Variants in MFSD2B observed in about 807,000 individuals in gnomAD.
The protein encoded by MFSD2B is MFSD2 lysolipid transporter B, sphingolipid.
In MFSD2B, 56 loss-of-function variants were observed where a neutral mutation model predicts 58.4. The ratio of observed to expected loss-of-function variants is 0.96; its 90% confidence interval spans 0.77 to 1.20. The LOEUF is 1.20. Among genes scored for constraint, MFSD2B ranks in the 50% most tolerant of loss-of-function variants. MFSD2B has a pLI of 0.00. For missense variants in MFSD2B, 645 were observed against 667.6 expected, an observed-to-expected ratio of 0.97 and a Z score of 0.37; for synonymous variants, 287 against 294.4, an observed-to-expected ratio of 0.97 and a Z score of 0.26.
chr2:24,017,767 T>A lies in MFSD2B; in HGVS notation c.681+179T>A, dbSNP rs1267484419. ...CAGATGGCCCCCAAATCTAACGTCC[T>A]CTGCTAAACCTGCCTCCTTCTGGGT... is the stretch of plus-strand genomic sequence containing the variant. On this transcript the variant is annotated intron_variant, in intron 6 of 13. Transcript: ENST00000338315. This position sits in a 1 kb window ranked among gnomAD's most constrained non-coding sequence, Gnocchi z 4.8. 6.6e-6 allele frequency among the ~76,000 whole-genome samples: 1 copy of A among 152,184 alleles called. No homozygotes were observed. Among genetic ancestry groups the A allele is most frequent in the Non-Finnish European group, 1.5e-5 (1 of 68,024 alleles).
At position 24,022,478 on chromosome 2, in the gene MFSD2B, C is replaced by G. The variant is rs1404472937; in HGVS notation, c.940C>G (p.Leu314Val). Reference sequence around the variant, plus strand: ...CCTGTTCTGTACACATGCCTCCCAGCTACACGACCACGTCCAGGGCCTGGT... The same window carrying G: ...CCTGTTCTGTACACATGCCTCCCAGGTACACGACCACGTCCAGGGCCTGGT... ...LVLFCTHASQ[L>V]HDHVQGLVLT... is the part of the protein sequence containing the mutation. Residue 314 changes from leucine to valine, a missense_variant, in exon 9 of 14, where the codon CTA becomes GTA. Leu to Val is a conservative substitution (Grantham distance 32, BLOSUM62 1). Coordinates refer to ENST00000338315, the MANE Select transcript of MFSD2B (RefSeq NM_001346880.2). This position sits in a 1 kb window ranked among gnomAD's most constrained non-coding sequence, Gnocchi z 4.5. The G allele has an allele frequency of 6.2e-7, 1 of 1,613,458 alleles. No individual in the cohort carries two copies. Among genetic ancestry groups the G allele is most frequent in the East Asian group, 2.2e-5 (1 of 44,864 alleles).
In MFSD2B at chr2:24,026,256, A is replaced by G. The variant is rs1331189707; in HGVS notation, c.*800A>G. 1 of 152,264 alleles carries G rather than the reference A, an allele frequency of 6.6e-6. No individual in the cohort carries two copies. The highest frequency in any genetic ancestry group is 1.5e-5 in the Non-Finnish European group (1 of 68,052). 9.4% of individuals were successfully genotyped at this position (152,264 alleles called of 1,614,324 possible). ...AGTATATATATGTATGTATATAAATATATAGAAATCCTAAATGGTCCCTGT... is the reference window on the plus strand; with the variant it reads ...AGTATATATATGTATGTATATAAATGTATAGAAATCCTAAATGGTCCCTGT... On this transcript the variant is annotated 3_prime_UTR_variant, in exon 14 of 14. Transcript: ENST00000338315.
chr2:24,016,700 C>G (rs1053161853), intron 3 of MFSD2B, 145 bp from the exon 4 acceptor site: 1 of 940,372 alleles, frequency 1.1e-6, no homozygotes, highest in Non-Finnish European at 1.6e-6. Context: ...TCGGCCACTT[C>G]TCCCCTGCTC....
rs919952086 is a variant in MFSD2B at position 24,024,695 on chromosome 2, C to A, written c.1490+424C>A. ...CCTAGTAGCCCACAAGCCTGGCACT[C>A]AGTCTCGATGAGCCTCAATGGAACT... On this transcript the variant is annotated intron_variant, in intron 13 of 13. Transcript: ENST00000338315. The surrounding 1 kb of genome is among the most constrained non-coding windows in gnomAD (Gnocchi z 4.3). 2.0e-5 allele frequency among the ~76,000 whole-genome samples: 3 copies of A among 152,158 alleles called. No homozygotes were observed. Among genetic ancestry groups the A allele is most frequent in the African/African-American group, 7.2e-5 (3 of 41,438 alleles).
intron 2 of MFSD2B, among the ~76,000 whole-genome samples, chr2:24,015,701 A>C (rs1437644792): frequency 4.6e-5 from 7 of 152,194 alleles, no homozygotes; most frequent in African/African-American, 1.4e-4. Flanking sequence ...GTCAGAAAAA[A>C]CAATGCATCC....
In MFSD2B at chr2:24,024,307, C is replaced by T; in HGVS notation, c.1490+36C>T. ...CACGCCCCCTGCAGCCAGCGAGGCA[C>T]AGTGTGGGCTGCTGGGGGAATGACT... On this transcript the variant is annotated intron_variant, in intron 13 of 13. Transcript: ENST00000338315. This position sits in a 1 kb window ranked among gnomAD's most constrained non-coding sequence, Gnocchi z 4.3. 2 of 1,560,480 alleles carry T rather than the reference C, an allele frequency of 1.3e-6. No individual in the cohort carries two copies. The highest frequency in any genetic ancestry group is 1.4e-5 in the African/African-American group (1 of 73,752).
In MFSD2B at chr2:24,022,103, C is replaced by G. The variant is rs887316456; in HGVS notation, c.894+133C>G. ...GGCACATGGCTCAGAGGGGCTGGTG[C>G]CGGGAGGGAGATCCCGGTAGGGCTT... On this transcript the variant is annotated intron_variant, in intron 8 of 13. Transcript: ENST00000338315. This position sits in a 1 kb window ranked among gnomAD's most constrained non-coding sequence, Gnocchi z 4.5. 34 of 1,094,028 alleles carry G rather than the reference C, an allele frequency of 3.1e-5. No individual in the cohort carries two copies. In the Middle Eastern group the frequency reaches 1.1e-3, roughly 34 times the overall value. The allele number at this position is 1,094,028 out of a possible 1,614,324, so 67.8% of individuals were successfully genotyped here. A position where few individuals can be genotyped will look rare whatever the true frequency, so the allele number is the denominator to read the frequency against.
At position 24,017,113 on chromosome 2, in the gene MFSD2B, G is replaced by T; in HGVS notation, c.471+145G>T. ...TGCCATTGGCACTCGCCAGCCTTGC[G>T]CGGGACTGGCTGCCCCCTCCTGCCT... On this transcript the variant is annotated intron_variant, in intron 4 of 13. Coordinates refer to ENST00000338315, the MANE Select transcript of MFSD2B (RefSeq NM_001346880.2). The surrounding 1 kb of genome is among the most constrained non-coding windows in gnomAD (Gnocchi z 4.8). The T allele has an allele frequency of 7.3e-7, 1 of 1,369,904 alleles. No homozygotes were observed. The allele number at this position is 1,369,904 out of a possible 1,614,324, so 84.9% of individuals were successfully genotyped here.
In MFSD2B at chr2:24,017,332, G is replaced by A. The variant is rs1450310119; in HGVS notation, c.518G>A (p.Cys173Tyr). 1.9e-6 allele frequency: 3 copies of A among 1,606,392 alleles called. No individual in the cohort carries two copies. The highest frequency in any genetic ancestry group is 2.7e-5 in the African/African-American group (2 of 74,750). ...GCGCTCACCATGCTGCTGACTCCCT[G>A]CCCAAGGGAGCGGGACTCGGCCACC... ...YTALTMLLTPCPRERDSATAY... is the reference protein window; with the variant it reads ...YTALTMLLTPYPRERDSATAY... The change falls in exon 5 of 14, where the codon TGC becomes TAC. Residue 173 changes from cysteine (C) to tyrosine (Y), a missense_variant. Physicochemically the swap from Cys to Tyr is radical, Grantham distance 194. Coordinates refer to ENST00000338315, the MANE Select transcript of MFSD2B (RefSeq NM_001346880.2). The surrounding 1 kb of genome is among the most constrained non-coding windows in gnomAD (Gnocchi z 4.8).
rs1012882495 is a variant in MFSD2B, at chr2:24,013,484, T to C, written c.222+74T>C. ...TGGTCCTTCCACCCCCACCTCTGCT[T>C]CTGCTCCCACTATCCTTGTAGACAG... On this transcript the variant is annotated intron_variant, in intron 2 of 13. Coordinates refer to ENST00000338315, the MANE Select transcript of MFSD2B (RefSeq NM_001346880.2). 5 of 1,431,606 alleles carry C rather than the reference T, an allele frequency of 3.5e-6. No homozygotes were observed. The Admixed American group carries it at 1.0e-4, about 30-fold the overall frequency. 88.7% of individuals were successfully genotyped at this position (1,431,606 alleles called of 1,614,324 possible).
chr2:24,018,539 C>G (rs1709241969), intron 6 of MFSD2B: 1 of 183,582 alleles, frequency 5.4e-6, no homozygotes, highest in Non-Finnish European at 1.2e-5. Context: ...AGGTGGGGCC[C>G]TGCCTCTAGG....
chr2:24,010,175 G>T lies in MFSD2B; in HGVS notation c.79G>T (p.Ala27Ser), dbSNP rs779697710. Residue 27 changes from alanine (A) to serine (S), a missense_variant, in exon 1 of 14, where the codon GCC becomes TCC. By Grantham distance (99) the Ala-to-Ser change is moderately conservative. Coordinates refer to ENST00000338315, the MANE Select transcript of MFSD2B (RefSeq NM_001346880.2). ...CGCCCCAGAGCCCGGCCCGGGGAGC[G>T]CCAAGCGAGGGCGAGAGGTGAGCGG... is the stretch of plus-strand genomic sequence containing the variant. The part of the protein sequence containing the change: ...PHAPEPGPGS[A>S]KRGREDSRAG... 9 of 1,435,918 alleles carry T rather than the reference G, an allele frequency of 6.3e-6. No individual in the cohort carries two copies. The highest frequency in any genetic ancestry group is 7.3e-6 in the Non-Finnish European group (8 of 1,100,050). 88.9% of individuals were successfully genotyped at this position (1,435,918 alleles called of 1,614,324 possible).
chr2:24,013,982 CA>C (rs1379682399), intron 2 of MFSD2B, among the ~76,000 whole-genome samples: 1 of 150,078 alleles, frequency 6.7e-6, no homozygotes, highest in Non-Finnish European at 1.5e-5. Flanking sequence ...GCTGGGATCA[CA>C]GGTGCACACC....
intron 6 of MFSD2B, chr2:24,018,666 C>G (rs923990240): frequency 5.6e-6 from 1 of 179,030 alleles, no homozygotes; most frequent in African/African-American, 2.4e-5. Context: ...CTGGGGCTCC[C>G]CCTCTGGTTT....
Position 24,021,473 on chromosome 2 carries a change from G to A in MFSD2B, c.682-175G>A, listed in dbSNP as rs188521882. 2.0e-3 allele frequency among the ~76,000 whole-genome samples: 307 copies of A among 152,288 alleles called. 1 individual carries two copies. The highest frequency in any genetic ancestry group is 6.9e-3 in the African/African-American group (286 of 41,554). The stretch of plus-strand genomic sequence containing the variant: ...AGGGGGTGTGTGGAAGGACCAGCCC[G>A]GGCCCGGAGAGCATGCTGTCCTGTG... On this transcript the variant is annotated intron_variant, in intron 6 of 13. Transcript: ENST00000338315. The surrounding 1 kb of genome is among the most constrained non-coding windows in gnomAD (Gnocchi z 5.7).
rs766723025 is a variant in MFSD2B at position 24,024,100 on chromosome 2, C to CG, written c.1323dup (p.Tyr442ValfsTer2). On this transcript the variant is annotated frameshift_variant, in exon 13 of 14. Coordinates refer to ENST00000338315, the MANE Select transcript of MFSD2B (RefSeq NM_001346880.2). LOFTEE classifies it high-confidence loss of function. This position sits in a 1 kb window ranked among gnomAD's most constrained non-coding sequence, Gnocchi z 4.3. ...GCTGGCTGATGTTTCTCCAGGTTCT[C>CG]GGGGTATAAGGCAGGGGTCTGCAAG... The CG allele has an allele frequency of 6.2e-7, 1 of 1,613,470 alleles. No homozygotes were observed. Among genetic ancestry groups the CG allele is most frequent in the East Asian group, 2.2e-5 (1 of 44,884 alleles).
In MFSD2B at chr2:24,019,894, G is replaced by A. The variant is rs796956805; in HGVS notation, c.682-1754G>A. Among the ~76,000 whole-genome samples, 11 of 152,318 alleles carry A rather than the reference G, an allele frequency of 7.2e-5. 1 individual carries two copies. The highest frequency in any genetic ancestry group is 2.6e-4 in the African/African-American group (11 of 41,570). ...CCCTCCGAATCCACACGCTGCTGCT[G>A]GCCAAGGGCCAGAAGGCTGTATCCT... On this transcript the variant is annotated intron_variant, in intron 6 of 13. Coordinates refer to ENST00000338315, the MANE Select transcript of MFSD2B (RefSeq NM_001346880.2).
rs185037854 is a variant in MFSD2B at position 24,014,245 on chromosome 2, C to T, written c.222+835C>T. Among the ~76,000 whole-genome samples, 170 of 152,262 alleles carry T rather than the reference C, an allele frequency of 1.1e-3. 2 individuals are homozygous for T. In the East Asian group the frequency reaches 0.03, roughly 27 times the overall value. On this transcript the variant is annotated intron_variant, in intron 2 of 13. Transcript: ENST00000338315. ...GCCAGGCTGGTCTTGAACTCCTGAC[C>T]TCGTGATCCACCCACCTCAGCCTCC...
At chr2:24,013,699 C>T (rs552015354) in intron 2 of MFSD2B, among the ~76,000 whole-genome samples, 6 of 151,696 alleles carry the variant, frequency 4.0e-5, no homozygotes, top group East Asian at 3.9e-4. Context: ...CGCGGCGGGA[C>T]GGCTTTGAAT....
Sources: allele counts gnomAD v4.1 joint callset (sites outside exome capture counted in the v4.1 genomes callset), GRCh38; gene constraint gnomAD v4.1.1; non-coding constraint Gnocchi (gnomAD v3.1); transcripts MANE v1.5; gene names NCBI Gene and HGNC (gene_info 2026-07-23, HGNC 2026-07-21).